Variants in DISC1 observed in about 807,000 individuals in gnomAD.
DISC1 encodes the protein disrupted in schizophrenia 1 protein.
A neutral mutation model predicts 84.5 loss-of-function variants in DISC1; 57 were observed. That is an observed-to-expected ratio of 0.67 (90% confidence interval 0.55 to 0.84). The LOEUF (loss-of-function observed/expected upper bound fraction) is 0.84. Ranked by LOEUF, DISC1 falls within the 40% of genes least tolerant of loss-of-function variation. DISC1 has a pLI of 0.00. For missense variants in DISC1, 1,000 were observed against 1,057.8 expected (o/e 0.95, Z 0.76); for synonymous variants, 411 against 415.2 (o/e 0.99, Z 0.12).
At chr1:232,018,427 A>G (rs1668674875) in intron 11 of DISC1, among the ~76,000 whole-genome samples, 3 of 152,226 alleles carry the variant, frequency 2.0e-5, no homozygotes, top group African/African-American at 7.2e-5. Flanking sequence ...CTACTGGGGC[A>G]TGTGGTTTAG....
intron 1 of DISC1, among the ~76,000 whole-genome samples, chr1:231,672,474 A>G (rs927835797): frequency 6.6e-6 from 1 of 152,002 alleles, no homozygotes; most frequent in Non-Finnish European, 1.5e-5. Flanking sequence ...TCTCTTATCT[A>G]TTATCACTGT....
intron 9 of DISC1, among the ~76,000 whole-genome samples, chr1:231,857,888 GA>G (rs2084377118): frequency 6.6e-6 from 1 of 152,190 alleles, no homozygotes; most frequent in South Asian, 2.1e-4. Flanking sequence ...GTTTATAGAG[GA>G]GAAACCTAAG....
At chr1:231,677,766 G>T (rs1572773102) in intron 1 of DISC1, among the ~76,000 whole-genome samples, 2 of 152,208 alleles carry the variant, frequency 1.3e-5, no homozygotes, top group East Asian at 3.9e-4. Context: ...ATCGCCTGAG[G>T]TCAGGAGTTT....
At chr1:231,632,561 T>C (rs775066317) in intron 1 of DISC1, among the ~76,000 whole-genome samples, 1 of 152,326 alleles carries the variant, frequency 6.6e-6, no homozygotes, top group South Asian at 2.1e-4. Flanking sequence ...TAAGTGGCAG[T>C]AGAGATCATG....
chr1:231,844,937 A>G (rs2083344354), intron 9 of DISC1, among the ~76,000 whole-genome samples: 1 of 151,212 alleles, frequency 6.6e-6, no homozygotes, highest in Non-Finnish European at 1.5e-5. Context: ...AAAAAAAAAA[A>G]AAAAAGAAAA....
intron 11 of DISC1, among the ~76,000 whole-genome samples, chr1:232,021,392 C>G (rs1668948470): frequency 6.6e-6 from 1 of 151,584 alleles, no homozygotes; most frequent in African/African-American, 2.4e-5. Flanking sequence ...GAATATGTGC[C>G]TGTACTGTTC....
intron 9 of DISC1, among the ~76,000 whole-genome samples, chr1:231,849,735 T>C (rs1445678773): frequency 6.6e-6 from 1 of 152,198 alleles, no homozygotes; most frequent in Non-Finnish European, 1.5e-5. Context: ...AAGAGTCGGA[T>C]ACCTTTTCTG....
intron 10 of DISC1, among the ~76,000 whole-genome samples, chr1:231,969,142 C>T (rs1302553335): frequency 6.8e-6 from 1 of 146,728 alleles, no homozygotes; most frequent in Non-Finnish European, 1.5e-5. Flanking sequence ...TAATACCCTC[C>T]ATTAAGGATC....
chr1:231,722,903 C>G, intron 3 of DISC1: 1 of 1,306,510 alleles, frequency 7.7e-7, no homozygotes, highest in South Asian at 1.7e-5. Context: ...TGTGTTGGGA[C>G]AATTAGATTT....
At chr1:231,886,366 G>A (rs2086680850) in intron 9 of DISC1, among the ~76,000 whole-genome samples, 1 of 152,210 alleles carries the variant, frequency 6.6e-6, no homozygotes, top group African/African-American at 2.4e-5. Flanking sequence ...AGTTTCTGTG[G>A]ATATAAATTC....
chr1:231,844,016 T>C (rs905633207), intron 9 of DISC1, among the ~76,000 whole-genome samples: 20 of 152,148 alleles, frequency 1.3e-4, no homozygotes, highest in African/African-American at 4.1e-4. Flanking sequence ...TAAAGAACAT[T>C]AATCTTTAGG....
chr1:231,965,362 C>T (rs1295421174), intron 10 of DISC1, among the ~76,000 whole-genome samples: 1 of 152,166 alleles, frequency 6.6e-6, no homozygotes, highest in African/African-American at 2.4e-5. Context: ...GAATATCCCT[C>T]CTTCTCCTTA....
chr1:231,716,228 G>A (rs141332973), intron 3 of DISC1, among the ~76,000 whole-genome samples: 40 of 149,836 alleles, frequency 2.7e-4, no homozygotes, highest in African/African-American at 7.4e-4. Flanking sequence ...TGCCAATAGC[G>A]TGCAGAAAAT....
chr1:231,688,293 T>C (rs1480849956), intron 1 of DISC1, among the ~76,000 whole-genome samples: 1 of 152,172 alleles, frequency 6.6e-6, no homozygotes, highest in East Asian at 1.9e-4. Context: ...CTATTTCTAG[T>C]ATTTCTGTGC....
At chr1:231,783,628 G>A (rs976599081) in intron 6 of DISC1, among the ~76,000 whole-genome samples, 12 of 152,174 alleles carry the variant, frequency 7.9e-5, no homozygotes, top group African/African-American at 2.9e-4. Context: ...GATTTTTGAT[G>A]AAACTGGACT....
chr1:231,668,613 C>T (rs899090200), intron 1 of DISC1, among the ~76,000 whole-genome samples: 1 of 152,162 alleles, frequency 6.6e-6, no homozygotes, highest in Non-Finnish European at 1.5e-5. Flanking sequence ...ACTCTCATTT[C>T]CCTTTGTTAT....
intron 11 of DISC1, 72 bp from the exon 12 acceptor site, chr1:232,026,363 A>C: frequency 9.6e-7 from 1 of 1,044,006 alleles, no homozygotes; most frequent in South Asian, 1.5e-5. Context: ...AGCTCTTTCC[A>C]GGAAGCTTCC....
At chr1:231,824,878 C>CCATT (rs2081746928) in intron 9 of DISC1, among the ~76,000 whole-genome samples, 1 of 80,996 alleles carries the variant, frequency 1.2e-5, no homozygotes, top group African/African-American at 4.2e-5. Context: ...GCATTTCTAT[C>CCATT]CATCCATCCA....
chr1:231,983,060 C>G (rs968937527), intron 10 of DISC1, among the ~76,000 whole-genome samples: 1 of 152,086 alleles, frequency 6.6e-6, no homozygotes, highest in African/African-American at 2.4e-5. Flanking sequence ...TTTCCTGCCC[C>G]CAAGATAAGA....
Sources: gnomAD v4.1 joint callset for allele counts (sites outside exome capture counted in the v4.1 genomes callset) on GRCh38, gnomAD v4.1.1 for gene constraint, MANE v1.5 for transcripts, NCBI Gene and HGNC (gene_info 2026-07-23, HGNC 2026-07-21) for gene names.